GRSF1: variants seen among roughly 807,000 people sequenced by gnomAD.
GRSF1 encodes the protein G-rich sequence factor 1.
Under a neutral mutation model 51.1 loss-of-function variants are expected in GRSF1, and 50 were observed. The observed-to-expected ratio is 0.98, with a 90% CI of 0.78 to 1.24. GRSF1 has a LOEUF of 1.24. GRSF1 is among the 50% of genes most tolerant of loss of function. The probability of loss-of-function intolerance (pLI) is 0.00; values close to 1 mark genes in which losing one functional copy is unlikely to be tolerated. For missense variants in GRSF1, 700 were observed against 639.7 expected (o/e 1.09, Z -1.02); for synonymous variants, 293 against 253.3 (o/e 1.16, Z -1.49).
chr4:70,826,482 G>A (rs1335977132), intron 6 of GRSF1, among the ~76,000 whole-genome samples: 1 of 151,352 alleles, frequency 6.6e-6, no homozygotes, highest in Non-Finnish European at 1.5e-5. Context: ...TCAGAGAGCA[G>A]GTAAAATGAT....
At chr4:70,830,266 A>T (rs1271489908) in intron 5 of GRSF1, among the ~76,000 whole-genome samples, 5 of 152,074 alleles carry the variant, frequency 3.3e-5, no homozygotes, top group African/African-American at 1.2e-4. Flanking sequence ...ACCTACAAAC[A>T]CACACGCACG....
chr4:70,818,328 A>G lies in GRSF1; in HGVS notation c.*2559T>C. ...AACAAACAGGATGTAACCCCAAAAA[A>G]TAACTTTCCAAATGAGAACTGAGTA... is the stretch of plus-strand genomic sequence containing the variant. On this transcript the variant is annotated 3_prime_UTR_variant, in exon 10 of 10. Transcript: ENST00000254799. The G allele has an allele frequency of 6.6e-6, 1 of 152,230 alleles. No individual in the cohort carries two copies. 9.4% of individuals were successfully genotyped at this position (152,230 alleles called of 1,614,324 possible). A position where few individuals can be genotyped will look rare whatever the true frequency, so the allele number is the denominator to read the frequency against.
chr4:70,834,216 G>A (rs921675427), intron 2 of GRSF1, among the ~76,000 whole-genome samples: 7 of 151,898 alleles, frequency 4.6e-5, no homozygotes, highest in East Asian at 1.9e-4. Context: ...CCGAGATTGC[G>A]CTACTGCACT....
chr4:70,841,526 A>C (rs1315657326), upstream of GRSF1, among the ~76,000 whole-genome samples: 1 of 152,232 alleles, frequency 6.6e-6, no homozygotes, highest in Admixed American at 6.5e-5. Context: ...TACTGTGGAA[A>C]ATGTCAAACA....
Position 70,827,899 on chromosome 4 carries a change from T to A in GRSF1, c.1088A>T (p.Asn363Ile). Residue 363 changes from asparagine to isoleucine, a missense_variant, in exon 6 of 10, where the codon AAT becomes ATT. Asn to Ile is a moderately radical substitution (Grantham distance 149). Coordinates refer to ENST00000254799, the MANE Select transcript of GRSF1 (RefSeq NM_002092.4). The stretch of plus-strand genomic sequence containing the variant: ...AGCTGTCATGGGTTGAATATCCTCA[T>A]TTACTTCATGTTCTTCAAAGACCAT... ...PEMVFEEHEV[N>I]EDIQPMTAFE... The A allele has an allele frequency of 6.2e-7, 1 of 1,613,464 alleles. No homozygotes were observed. Among genetic ancestry groups the A allele is most frequent in the East Asian group, 2.2e-5 (1 of 44,870 alleles).
rs953021124 is a variant in GRSF1 at position 70,819,953 on chromosome 4, G to T, written c.*934C>A. On this transcript the variant is annotated 3_prime_UTR_variant, in exon 10 of 10. Transcript: ENST00000254799. ...TAAATGCTATTTTTATTTAAGCAAG[G>T]CACCCCTACTTGTTCTAAAATATGG... The T allele has an allele frequency of 2.6e-5, 4 of 152,668 alleles. No homozygotes were observed. The highest frequency in any genetic ancestry group is 9.6e-5 in the African/African-American group (4 of 41,530). 9.5% of individuals were successfully genotyped at this position (152,668 alleles called of 1,614,324 possible). A position where few individuals can be genotyped will look rare whatever the true frequency, so the allele number is the denominator to read the frequency against.
At chr4:70,831,427 C>T (rs1733961200) in intron 5 of GRSF1, 112 bp downstream of exon 5, 1 of 924,430 alleles carries the variant, frequency 1.1e-6, no homozygotes, top group African/African-American at 1.7e-5. Context: ...GCTCACTACA[C>T]TACTCTCTCT....
At chr4:70,832,126 CT>C (rs1231819291) in intron 4 of GRSF1, among the ~76,000 whole-genome samples, 180 bp downstream of exon 4, 1 of 151,976 alleles carries the variant, frequency 6.6e-6, no homozygotes, top group Non-Finnish European at 1.5e-5. Context: ...TAAAATCTGC[CT>C]GATAGAACAA....
In GRSF1 at chr4:70,817,537, T is replaced by G. The variant is rs1005225818; in HGVS notation, c.*3350A>C. The stretch of plus-strand genomic sequence containing the variant: ...ATGGCAGATTAAGTATATGAAAAGG[T>G]GCTCCACATCACTATGGGATTGGGA... On this transcript the variant is annotated 3_prime_UTR_variant, in exon 10 of 10. Coordinates refer to ENST00000254799, the MANE Select transcript of GRSF1 (RefSeq NM_002092.4). 1 of 152,178 alleles carries G rather than the reference T, an allele frequency of 6.6e-6. No homozygotes were observed. Among genetic ancestry groups the G allele is most frequent in the Non-Finnish European group, 1.5e-5 (1 of 68,042 alleles). 9.4% of individuals were successfully genotyped at this position (152,178 alleles called of 1,614,324 possible). A position where few individuals can be genotyped will look rare whatever the true frequency, so the allele number is the denominator to read the frequency against.
At chr4:70,832,929 C>CA (rs1316472428) in intron 3 of GRSF1, among the ~76,000 whole-genome samples, 189 bp downstream of exon 3, 1 of 152,206 alleles carries the variant, frequency 6.6e-6, no homozygotes, top group African/African-American at 2.4e-5. Flanking sequence ...GCCTGGGTGA[C>CA]AGAGTGAGAT....
rs771838002 is a variant in GRSF1 at position 70,818,133 on chromosome 4, G to A, written c.*2754C>T. The stretch of plus-strand genomic sequence containing the variant: ...GGCTCGCTACAACCTCTGCCTCCCA[G>A]GTTCAAGCGATTCTCCTGCCTTGGC... On this transcript the variant is annotated 3_prime_UTR_variant, in exon 10 of 10. Coordinates refer to ENST00000254799, the MANE Select transcript of GRSF1 (RefSeq NM_002092.4). The A allele has an allele frequency of 6.6e-6, 1 of 152,254 alleles. No homozygotes were observed. Among genetic ancestry groups the A allele is most frequent in the Non-Finnish European group, 1.5e-5 (1 of 68,132 alleles). The allele number at this position is 152,254 out of a possible 1,614,324, so 9.4% of individuals were successfully genotyped here.
At chr4:70,841,389 T>C (rs755978803), upstream of GRSF1, among the ~76,000 whole-genome samples, 14 of 152,220 alleles carry the variant, frequency 9.2e-5, no homozygotes, top group Non-Finnish European at 1.6e-4. Context: ...ACACAGAGAT[T>C]TGCACACACA....
intron 9 of GRSF1, among the ~76,000 whole-genome samples, chr4:70,823,112 T>C (rs1733585981): frequency 6.7e-6 from 1 of 148,248 alleles, no homozygotes; most frequent in Non-Finnish European, 1.5e-5. Context: ...AAATAAAAAG[T>C]AGGCCGGACA....
intron 1 of GRSF1, among the ~76,000 whole-genome samples, chr4:70,837,010 A>T (rs1734241658): frequency 6.6e-6 from 1 of 152,170 alleles, no homozygotes; most frequent in African/African-American, 2.4e-5. Context: ...TGTGTCCTTC[A>T]CTTGGTAGGC....
At chr4:70,838,876 A>G in intron 1 of GRSF1, 1 of 310,604 alleles carries the variant, frequency 3.2e-6, no homozygotes, top group South Asian at 2.7e-5. Context: ...GACCTTCTGT[A>G]TGAGTGGAGT....
chr4:70,821,426 A>AAAAGAAAT (rs1733494368), intron 9 of GRSF1, among the ~76,000 whole-genome samples: 1 of 150,002 alleles, frequency 6.7e-6, no homozygotes, highest in South Asian at 2.1e-4. Flanking sequence ...TCCGTCTCAA[A>AAAAGAAAT]AAATAAATAA....
upstream of GRSF1, among the ~76,000 whole-genome samples, chr4:70,842,531 G>A (rs1044146514): frequency 1.3e-5 from 2 of 152,042 alleles, no homozygotes; most frequent in African/African-American, 4.8e-5. Context: ...GACCTCCCGG[G>A]TTCAAGTAAT....
Position 70,836,167 on chromosome 4 carries a change from A to G in GRSF1, c.505T>C (p.Phe169Leu). ...WSCTMEDVLN[F>L]FSDCRIRNGE... is the part of the protein sequence containing the mutation. ...CATACATAAAATATACCTGAAAAAA[A>G]GTTAAGCACATCTTCCATAGTGCAT... is the stretch of plus-strand genomic sequence containing the variant. Residue 169 changes from phenylalanine to leucine, a missense_variant, in exon 2 of 10, where the codon TTT becomes CTT. Phe to Leu is a conservative substitution (Grantham distance 22, BLOSUM62 0). Coordinates refer to ENST00000254799, the MANE Select transcript of GRSF1 (RefSeq NM_002092.4). 1.3e-6 allele frequency: 2 copies of G among 1,532,138 alleles called. No individual in the cohort carries two copies. The highest frequency in any genetic ancestry group is 2.4e-5 in the East Asian group (1 of 42,106). 94.9% of individuals were successfully genotyped at this position (1,532,138 alleles called of 1,614,324 possible).
chr4:70,818,982 C>G lies in GRSF1; in HGVS notation c.*1905G>C, dbSNP rs1250444879. On this transcript the variant is annotated 3_prime_UTR_variant, in exon 10 of 10. Coordinates refer to ENST00000254799, the MANE Select transcript of GRSF1 (RefSeq NM_002092.4). ...CTACATCCACCTTAGCAATCACTTA[C>G]GTACTAGCCTAGATCATGAACAAAA... is the stretch of plus-strand genomic sequence containing the variant. The G allele has an allele frequency of 6.6e-6, 1 of 152,098 alleles. No individual in the cohort carries two copies. The highest frequency in any genetic ancestry group is 2.4e-5 in the African/African-American group (1 of 41,412). The allele number at this position is 152,098 out of a possible 1,614,324, so 9.4% of individuals were successfully genotyped here. A position where few individuals can be genotyped will look rare whatever the true frequency, so the allele number is the denominator to read the frequency against.
Sources: allele counts gnomAD v4.1 joint callset (sites outside exome capture counted in the v4.1 genomes callset), GRCh38; gene constraint gnomAD v4.1.1; transcripts MANE v1.5; gene names NCBI Gene and HGNC (gene_info 2026-07-23, HGNC 2026-07-21).